The following RALYL variants were observed in gnomAD, a reference collection of about 807,000 sequenced individuals.
RALYL encodes the protein RNA-binding Raly-like protein.
Under a neutral mutation model 35.1 loss-of-function variants are expected in RALYL, and 29 were observed. The observed-to-expected ratio is 0.83, with a 90% CI of 0.61 to 1.13. RALYL has a LOEUF of 1.13. RALYL is among the 50% of genes most tolerant of loss of function. The pLI is 0.00. For synonymous variants in RALYL, 120 were observed against 127.6 expected (o/e 0.94, Z 0.40); for missense variants, 359 against 360.4 (o/e 1.00, Z 0.03).
At chr8:84,713,864 GAT>G (rs757072101) in intron 2 of RALYL, among the ~76,000 whole-genome samples, 7 of 150,330 alleles carry the variant, frequency 4.7e-5, no homozygotes, top group African/African-American at 9.8e-5. Context: ...TAAAATATAT[GAT>G]ATATATATAT....
chr8:84,225,995 G>T (rs1398000808), intron 1 of RALYL, among the ~76,000 whole-genome samples: 2 of 152,188 alleles, frequency 1.3e-5, no homozygotes, highest in African/African-American at 4.8e-5. Context: ...ATCATTATGG[G>T]TAGAGCAGGA....
intron 2 of RALYL, among the ~76,000 whole-genome samples, chr8:84,662,888 A>G (rs1831199331): frequency 6.6e-6 from 1 of 152,124 alleles, no homozygotes; most frequent in Non-Finnish European, 1.5e-5. Context: ...TTTGTTACAT[A>G]GTTAAACGTG....
intron 4 of RALYL, among the ~76,000 whole-genome samples, chr8:84,805,888 T>C (rs1395670483): frequency 6.6e-6 from 1 of 152,152 alleles, no homozygotes; most frequent in African/African-American, 2.4e-5. Context: ...GAAAAAGTTG[T>C]GAAAAATGCA....
chr8:84,338,133 G>A (rs998796900), intron 1 of RALYL, among the ~76,000 whole-genome samples: 25 of 151,680 alleles, frequency 1.6e-4, no homozygotes, highest in African/African-American at 6.1e-4. Context: ...GGTATTTTTA[G>A]AGAATGAGAT....
At chr8:84,200,026 T>C (rs867947439) in intron 1 of RALYL, among the ~76,000 whole-genome samples, 1 of 146,582 alleles carries the variant, frequency 6.8e-6, no homozygotes, top group African/African-American at 2.5e-5. Context: ...CAGTACTTAT[T>C]ATGTAATTTT....
At chr8:84,758,524 A>G (rs982544119) in intron 2 of RALYL, among the ~76,000 whole-genome samples, 3 of 152,198 alleles carry the variant, frequency 2.0e-5, no homozygotes, top group Non-Finnish European at 4.4e-5. Context: ...GGTTGGGGCT[A>G]CAGTCATGTA....
At chr8:84,627,247 G>A (rs371518966) in intron 2 of RALYL, among the ~76,000 whole-genome samples, 1 of 151,464 alleles carries the variant, frequency 6.6e-6, no homozygotes, top group East Asian at 2.0e-4. Flanking sequence ...TTTCTCGCAG[G>A]GTGATCAGTC....
intron 2 of RALYL, among the ~76,000 whole-genome samples, chr8:84,617,955 G>C (rs1260704069): frequency 2.6e-5 from 4 of 151,890 alleles, no homozygotes; most frequent in Non-Finnish European, 5.9e-5. Flanking sequence ...ACTTGATCAT[G>C]GTGGATAAGC....
intron 2 of RALYL, among the ~76,000 whole-genome samples, chr8:84,554,187 G>A (rs1236014896): frequency 6.6e-6 from 1 of 152,094 alleles, no homozygotes; most frequent in Non-Finnish European, 1.5e-5. Context: ...ACATTTACTC[G>A]TGTGTAGGCA....
chr8:84,392,045 T>G (rs932705684), intron 1 of RALYL, among the ~76,000 whole-genome samples: 7 of 152,060 alleles, frequency 4.6e-5, no homozygotes, highest in Non-Finnish European at 1.0e-4. Context: ...GTTGAACATT[T>G]AATCAGCAAG....
At chr8:84,233,909 T>A (rs1825913335) in intron 1 of RALYL, among the ~76,000 whole-genome samples, 1 of 152,214 alleles carries the variant, frequency 6.6e-6, no homozygotes, top group Non-Finnish European at 1.5e-5. Context: ...TTTCTTTCCT[T>A]ACTTCAGATG....
At chr8:84,705,703 G>A (rs1841081676) in intron 2 of RALYL, among the ~76,000 whole-genome samples, 1 of 152,088 alleles carries the variant, frequency 6.6e-6, no homozygotes, top group Admixed American at 6.6e-5. Flanking sequence ...CTAAATATAT[G>A]AATCTATTCT....
intron 2 of RALYL, among the ~76,000 whole-genome samples, chr8:84,755,314 C>G (rs79203576): frequency 7.2e-5 from 11 of 152,062 alleles, no homozygotes; most frequent in Non-Finnish European, 1.2e-4. Flanking sequence ...GTTGTTAACC[C>G]GATATCAGTG....
At position 84,372,622 on chromosome 8, in the gene RALYL, T is replaced by C. The variant is rs562170534; in HGVS notation, c.-23-156677T>C. On this transcript the variant is annotated intron_variant, in intron 1 of 8. Coordinates refer to ENST00000521268, the MANE Select transcript of RALYL (RefSeq NM_173848.7). ...AGTCAGGTGTGCTGGCATGAGATTG[T>C]AGTCCCAGGAGGATGACTGGGAGAA... is the stretch of plus-strand genomic sequence containing the variant. Among the ~76,000 whole-genome samples the C allele has an allele frequency of 4.6e-5, 7 of 152,062 alleles. No individual in the cohort carries two copies. The South Asian group carries it at 1.5e-3, about 32-fold the overall frequency.
At chr8:84,727,247 G>A (rs913850911) in intron 2 of RALYL, among the ~76,000 whole-genome samples, 7 of 152,126 alleles carry the variant, frequency 4.6e-5, no homozygotes, top group African/African-American at 1.2e-4. Flanking sequence ...AGATGTATGA[G>A]ACATGATTCT....
chr8:84,263,964 A>G (rs1355716934), intron 1 of RALYL, among the ~76,000 whole-genome samples: 1 of 152,174 alleles, frequency 6.6e-6, no homozygotes, highest in African/African-American at 2.4e-5. Context: ...TTATGGTTGC[A>G]TAGTATTCCA....
intron 2 of RALYL, among the ~76,000 whole-genome samples, chr8:84,752,872 G>T (rs1810412602): frequency 6.6e-6 from 1 of 152,194 alleles, no homozygotes; most frequent in Non-Finnish European, 1.5e-5. Flanking sequence ...CTGCTGCAGG[G>T]CTGGAGCCCT....
intron 4 of RALYL, among the ~76,000 whole-genome samples, chr8:84,842,759 G>A (rs578138312): frequency 1.3e-5 from 2 of 152,258 alleles, no homozygotes; most frequent in African/African-American, 4.8e-5. Context: ...ACATCAAAAT[G>A]CTTATCCACC....
chr8:84,313,489 C>T (rs1042274750), intron 1 of RALYL, among the ~76,000 whole-genome samples: 7 of 152,274 alleles, frequency 4.6e-5, no homozygotes, highest in African/African-American at 1.7e-4. Flanking sequence ...AATTTCAAAT[C>T]ATCTCTTTGT....
Sources: gnomAD v4.1 joint callset for allele counts (sites outside exome capture counted in the v4.1 genomes callset) on GRCh38, gnomAD v4.1.1 for gene constraint, MANE v1.5 for transcripts, NCBI Gene and HGNC (gene_info 2026-07-23, HGNC 2026-07-21) for gene names.